The following COL4A1 variants were observed in gnomAD, a reference collection of about 807,000 sequenced individuals.
COL4A1 encodes the protein collagen alpha-1(IV) chain.
COL4A1 carries 40 observed loss-of-function variants against 216.6 expected under a neutral mutation model. The ratio of observed to expected loss-of-function variants is 0.18; its 90% CI spans 0.14 to 0.24. The LOEUF is 0.24. COL4A1 is among the 10% of genes least tolerant of loss of function. The pLI is 1.00. For missense variants in COL4A1, 1,628 were observed against 2,196.8 expected, an observed-to-expected ratio of 0.74 and a Z score of 5.18; for synonymous variants, 839 against 810.7, an observed-to-expected ratio of 1.03 and a Z score of -0.59.
chr13:110,164,672 AT>A (rs1160149545), intron 46 of COL4A1, among the ~76,000 whole-genome samples, 189 bp downstream of exon 46: 7 of 151,936 alleles, frequency 4.6e-5, no homozygotes, highest in Admixed American at 6.6e-5. Context: ...TTTCTTCTGG[AT>A]TTTTTTTAGG....
intron 1 of COL4A1, among the ~76,000 whole-genome samples, chr13:110,262,379 G>A (rs144672194): frequency 3.9e-5 from 6 of 152,306 alleles, no homozygotes; most frequent in Non-Finnish European, 5.9e-5. Flanking sequence ...TTCAAAATGC[G>A]TCTGCCCTCC....
At chr13:110,249,357 C>CTTAA (rs1881977636) in intron 1 of COL4A1, among the ~76,000 whole-genome samples, 1 of 152,110 alleles carries the variant, frequency 6.6e-6, no homozygotes, top group Non-Finnish European at 1.5e-5. Context: ...AAGGGACGTG[C>CTTAA]TTAAGCCTGT....
At chr13:110,236,048 C>T (rs1220339218) in intron 2 of COL4A1, among the ~76,000 whole-genome samples, 1 of 152,160 alleles carries the variant, frequency 6.6e-6, no homozygotes, top group Admixed American at 6.6e-5. Context: ...AATTTATGAT[C>T]TTAGGAAAAA....
intron 42 of COL4A1, among the ~76,000 whole-genome samples, chr13:110,170,132 A>C (rs1594544234): frequency 7.2e-5 from 1 of 13,802 alleles, no homozygotes; most frequent in East Asian, 0.013. Context: ...GAAGGAAGGA[A>C]GGAAGGAAGG....
chr13:110,180,857 C>T (rs897395654), intron 29 of COL4A1, among the ~76,000 whole-genome samples: 5 of 152,120 alleles, frequency 3.3e-5, no homozygotes, highest in Non-Finnish European at 5.9e-5. Flanking sequence ...TGTCAAAAGC[C>T]CTACAAAGGC....
chr13:110,199,302 T>C (rs1457896594), intron 20 of COL4A1, among the ~76,000 whole-genome samples: 2 of 151,158 alleles, frequency 1.3e-5, no homozygotes. Flanking sequence ...ATGAGGAGAG[T>C]GTGAGAAAAA....
intron 18 of COL4A1, chr13:110,201,759 G>A (rs952373207): frequency 4.2e-5 from 28 of 668,460 alleles, no homozygotes; most frequent in Admixed American, 2.0e-4. Context: ...TGAGGCAGGT[G>A]GATCACAAGG....
chr13:110,287,882 A>C (rs1021715415), intron 1 of COL4A1, among the ~76,000 whole-genome samples: 3 of 152,214 alleles, frequency 2.0e-5, no homozygotes, highest in African/African-American at 7.2e-5. Context: ...AAGTGGTGGC[A>C]ATGCCACCAA....
chr13:110,185,712 G>A (rs1267068462), intron 26 of COL4A1, among the ~76,000 whole-genome samples: 3 of 152,158 alleles, frequency 2.0e-5, no homozygotes, highest in Admixed American at 2.0e-4. Context: ...TAGCGCCACA[G>A]CCCCCTCCCG....
At chr13:110,228,584 C>T (rs972996855) in intron 2 of COL4A1, among the ~76,000 whole-genome samples, 15 of 152,112 alleles carry the variant, frequency 9.9e-5, no homozygotes, top group East Asian at 3.9e-4. Flanking sequence ...TTAGGATTAA[C>T]GATATAACTT....
rs144219411 is a variant in COL4A1, at chr13:110,236,629, G to A, written c.144+6046C>T. On this transcript the variant is annotated intron_variant, in intron 2 of 51. Coordinates refer to ENST00000375820, the MANE Select transcript of COL4A1 (RefSeq NM_001845.6). The stretch of plus-strand genomic sequence containing the variant: ...CCATGCCCACGTCCTGGGTAATCGC[G>A]GAGACACAGTGAAGACGACCAGCCT... 5.3e-3 allele frequency among the ~76,000 whole-genome samples: 809 copies of A among 152,244 alleles called. 10 individuals are homozygous for A. Among genetic ancestry groups the A allele is most frequent in the African/African-American group, 0.018 (748 of 41,534 alleles).
chr13:110,285,698 G>A (rs1371316090), intron 1 of COL4A1, among the ~76,000 whole-genome samples: 2 of 152,158 alleles, frequency 1.3e-5, no homozygotes, highest in African/African-American at 4.8e-5. Context: ...AGCAGAAGGA[G>A]GTTGTATTAG....
At chr13:110,227,427 A>AC (rs1555308840) in intron 2 of COL4A1, among the ~76,000 whole-genome samples, 11,598 of 129,556 alleles carry the variant, frequency 0.09, 502 homozygotes, top group Non-Finnish European at 0.097. Context: ...CACACACACA[A>AC]ACACACACAA....
chr13:110,305,236 A>T (rs1300994124), intron 1 of COL4A1, among the ~76,000 whole-genome samples: 1 of 152,216 alleles, frequency 6.6e-6, no homozygotes, highest in Non-Finnish European at 1.5e-5. Context: ...ATGGCACCTC[A>T]AGGGACACTG....
chr13:110,156,813 G>C (rs1037273074), intron 49 of COL4A1, among the ~76,000 whole-genome samples: 1 of 152,224 alleles, frequency 6.6e-6, no homozygotes, highest in African/African-American at 2.4e-5. Context: ...CATGAACGTG[G>C]ATCAGAAGGG....
chr13:110,258,464 C>T (rs934122140), intron 1 of COL4A1, among the ~76,000 whole-genome samples: 1 of 152,102 alleles, frequency 6.6e-6, no homozygotes, highest in African/African-American at 2.4e-5. Flanking sequence ...CGCTTGAACC[C>T]AGGAGCCAGA....
At chr13:110,240,569 G>A (rs937733626) in intron 2 of COL4A1, among the ~76,000 whole-genome samples, 10 of 152,258 alleles carry the variant, frequency 6.6e-5, no homozygotes, top group African/African-American at 2.4e-4. Flanking sequence ...CACAGACCTC[G>A]CCTGGCCAGA....
intron 21 of COL4A1, 55 bp downstream of exon 21, chr13:110,198,412 C>A: frequency 3.1e-6 from 5 of 1,607,264 alleles, no homozygotes; most frequent in Non-Finnish European, 4.2e-6. Context: ...TGGGTCTGCC[C>A]GGCACCCTGG....
intron 2 of COL4A1, among the ~76,000 whole-genome samples, chr13:110,214,941 C>A (rs544056922): frequency 1.3e-4 from 20 of 152,322 alleles, no homozygotes; most frequent in African/African-American, 4.6e-4. Flanking sequence ...CTCTTGAGGG[C>A]AGGAAATATT....
Sources: gnomAD v4.1 joint callset for allele counts (sites outside exome capture counted in the v4.1 genomes callset) on GRCh38, gnomAD v4.1.1 for gene constraint, MANE v1.5 for transcripts, NCBI Gene and HGNC (gene_info 2026-07-23, HGNC 2026-07-21) for gene names.